The following BICRA variants were observed in gnomAD, a reference collection of about 807,000 sequenced individuals.
BICRA encodes BRD4-interacting chromatin-remodeling complex-associated protein.
In BICRA, 31 loss-of-function variants were observed where a neutral mutation model predicts 96.9. The ratio of observed to expected loss-of-function variants is 0.32; its 90% confidence interval spans 0.24 to 0.43. BICRA has a LOEUF of 0.43. Among genes scored for constraint, BICRA ranks in the 20% least tolerant of loss-of-function variants. The pLI, the probability that BICRA is intolerant of heterozygous loss-of-function variation, is 1.00. For missense variants in BICRA, 2,283 were observed against 2,190.3 expected (o/e 1.04, Z -0.84); for synonymous variants, 1,350 against 1,071.8 (o/e 1.26, Z -5.07).
At chr19:47,670,419 G>C (rs1568565057) in intron 1 of BICRA, 24 bp from the exon 2 acceptor site, 1 of 152,262 alleles carries the variant, frequency 6.6e-6, no homozygotes, top group East Asian at 1.9e-4. Flanking sequence ...CTCACTCACT[G>C]TCTGTCTCTC....
rs752818650 is a variant in BICRA at position 47,699,819 on chromosome 19, C to G, written c.3595+414C>G. The G allele has an allele frequency of 1.1e-5, 2 of 190,200 alleles. No individual in the cohort carries two copies. Among genetic ancestry groups the G allele is most frequent in the Non-Finnish European group, 2.2e-5 (2 of 89,758 alleles). 11.8% of individuals were successfully genotyped at this position (190,200 alleles called of 1,614,324 possible). On this transcript the variant is annotated intron_variant, in intron 14 of 14. Coordinates refer to ENST00000594866, the MANE Select transcript of BICRA (RefSeq NM_001394372.1). The surrounding 1 kb of genome is among the most constrained non-coding windows in gnomAD (Gnocchi z 5.0). ...CCTTAGGTGGCTCGCTGGCCTCACTCTAGTCTCCTGTCTGCAGGAAACGGT... is the reference window on the plus strand; with the variant it reads ...CCTTAGGTGGCTCGCTGGCCTCACTGTAGTCTCCTGTCTGCAGGAAACGGT...
Position 47,699,058 on chromosome 19 carries a change from G to A in BICRA, c.3491G>A (p.Arg1164Gln). The part of the protein sequence containing the change: ...KYRLLLLEES[R>Q]RVSPSAEMVM... ...CGGCTCCTGCTCCTGGAGGAGTCCC[G>A]GGTAGGGTCAGAGTCGCCTTCCTCG... The change falls in exon 13 of 15, where the codon CGG becomes CAG. Residue 1164 changes from arginine (R) to glutamine (Q), a missense_variant and splice_region_variant. Coordinates refer to ENST00000594866, the MANE Select transcript of BICRA (RefSeq NM_001394372.1). This position sits in a 1 kb window ranked among gnomAD's most constrained non-coding sequence, Gnocchi z 5.0. 2 of 1,559,830 alleles carry A rather than the reference G, an allele frequency of 1.3e-6. No individual in the cohort carries two copies. Among genetic ancestry groups the A allele is most frequent in the East Asian group, 2.4e-5 (1 of 41,752 alleles).
chr19:47,633,021 G>A (rs1451583667), intron 1 of BICRA, among the ~76,000 whole-genome samples: 1 of 151,758 alleles, frequency 6.6e-6, no homozygotes, highest in African/African-American at 2.4e-5. Flanking sequence ...AAAGCTTAGC[G>A]GCTCTTATTA....
At chr19:47,638,379 G>A (rs1359211143) in intron 1 of BICRA, among the ~76,000 whole-genome samples, 1 of 152,130 alleles carries the variant, frequency 6.6e-6, no homozygotes, top group Non-Finnish European at 1.5e-5. Flanking sequence ...AAAATTGTGT[G>A]CATTTATTTG....
At position 47,680,616 on chromosome 19, in the gene BICRA, C is replaced by G. The variant is rs1245118794; in HGVS notation, c.1446C>G (p.Leu482=). The change falls in exon 6 of 15, where the codon CTC becomes CTG. Residue 482 remains leucine (L), a synonymous_variant. Coordinates refer to ENST00000594866, the MANE Select transcript of BICRA (RefSeq NM_001394372.1). ...FLLPGAPAVQ[L]PQQLSALPAN... is the part of the protein sequence containing the mutation. ...TGCCTGGCGCCCCGGCGGTCCAGCT[C>G]CCGCAGCAGCTCTCAGCCCTGCCGG... The G allele has an allele frequency of 5.0e-6, 8 of 1,610,264 alleles. No individual in the cohort carries two copies. Among genetic ancestry groups the G allele is most frequent in the Non-Finnish European group, 6.8e-6 (8 of 1,178,836 alleles).
At chr19:47,696,067 G>A (rs1009843583) in intron 10 of BICRA, among the ~76,000 whole-genome samples, 1 of 152,072 alleles carries the variant, frequency 6.6e-6, no homozygotes, top group Admixed American at 6.5e-5. Flanking sequence ...AGGCGGGGGG[G>A]CGAAACGACA....
intron 7 of BICRA, among the ~76,000 whole-genome samples, chr19:47,693,652 C>T (rs1386497534): frequency 1.2e-4 from 19 of 152,146 alleles, no homozygotes; most frequent in Admixed American, 9.8e-4. Context: ...TGGGGGCTGG[C>T]GGCTGGGACG....
At chr19:47,692,691 TG>T (rs1973259504) in intron 7 of BICRA, among the ~76,000 whole-genome samples, 1 of 152,214 alleles carries the variant, frequency 6.6e-6, no homozygotes, top group South Asian at 2.1e-4. Flanking sequence ...GCAAACCTTT[TG>T]AAGACTGATT....
At chr19:47,641,711 ATTTT>A (rs1211138791) in intron 1 of BICRA, among the ~76,000 whole-genome samples, 2 of 152,096 alleles carry the variant, frequency 1.3e-5, no homozygotes, top group Non-Finnish European at 2.9e-5. Flanking sequence ...GAATTTTAGG[ATTTT>A]TTTCTATTCC....
Position 47,696,521 on chromosome 19 carries a change from A to T in BICRA, c.3248+9A>T, listed in dbSNP as rs780967610. 6.3e-7 allele frequency: 1 copy of T among 1,597,350 alleles called. No individual in the cohort carries two copies. The highest frequency in any genetic ancestry group is 8.5e-7 in the Non-Finnish European group (1 of 1,172,156). ...CCCAGCAAGGAAGCCTGGTGAGTCC[A>T]CACCCCATCCTTGCATGCCTGCCCT... On this transcript the variant is annotated intron_variant, in intron 11 of 14. Transcript: ENST00000594866.
chr19:47,661,075 C>T (rs182381040), intron 1 of BICRA, among the ~76,000 whole-genome samples: 6 of 151,904 alleles, frequency 3.9e-5, no homozygotes, highest in South Asian at 2.1e-4. Context: ...ATTAGCTGGG[C>T]GTGGTTGTGG....
At position 47,701,116 on chromosome 19, in the gene BICRA, C is replaced by T. The variant is rs551076388; in HGVS notation, c.3596-212C>T. 3.4e-6 allele frequency: 2 copies of T among 580,364 alleles called. No homozygotes were observed. Among genetic ancestry groups the T allele is most frequent in the Non-Finnish European group, 6.1e-6 (2 of 330,054 alleles). The allele number at this position is 580,364 out of a possible 1,614,324, so 36.0% of individuals were successfully genotyped here. ...ATGTCTGAATGAGCCCCACGTGGCT[C>T]GTGGCGCTGTGCCAGGCACAGTGGT... is the stretch of plus-strand genomic sequence containing the variant. On this transcript the variant is annotated intron_variant, in intron 14 of 14. Transcript: ENST00000594866. The surrounding 1 kb of genome is among the most constrained non-coding windows in gnomAD (Gnocchi z 5.4).
chr19:47,680,944 G>T lies in BICRA; in HGVS notation c.1774G>T (p.Ala592Ser). ...CCAGGGGGTCACCCTGCCCCCCAGC[G>T]CCGTGGCCATGCTCAACACCCCCGA... ...VLQGVTLPPS[A>S]VAMLNTPDGL... The change falls in exon 6 of 15, where the codon GCC (alanine) becomes TCC (serine). Residue 592 changes from alanine to serine, a missense_variant. Transcript: ENST00000594866. The T allele has an allele frequency of 6.8e-7, 1 of 1,479,136 alleles. No individual in the cohort carries two copies. 91.6% of individuals were successfully genotyped at this position (1,479,136 alleles called of 1,614,324 possible).
At chr19:47,637,490 C>G (rs903573794) in intron 1 of BICRA, among the ~76,000 whole-genome samples, 5 of 152,238 alleles carry the variant, frequency 3.3e-5, no homozygotes, top group Admixed American at 6.5e-5. Context: ...TCTCAGCTCA[C>G]TACAACCTCT....
At position 47,699,806 on chromosome 19, in the gene BICRA, C is replaced by T. The variant is rs1453345027; in HGVS notation, c.3595+401C>T. 1.3e-5 allele frequency among the ~76,000 whole-genome samples: 2 copies of T among 152,126 alleles called. No homozygotes were observed. Reference sequence around the variant, plus strand: ...CTTAAGTGTTGCACCTTAGGTGGCTCGCTGGCCTCACTCTAGTCTCCTGTC... The same window carrying T: ...CTTAAGTGTTGCACCTTAGGTGGCTTGCTGGCCTCACTCTAGTCTCCTGTC... On this transcript the variant is annotated intron_variant, in intron 14 of 14. Coordinates refer to ENST00000594866, the MANE Select transcript of BICRA (RefSeq NM_001394372.1). This position sits in a 1 kb window ranked among gnomAD's most constrained non-coding sequence, Gnocchi z 5.0.
intron 5 of BICRA, 115 bp from the exon 6 acceptor site, chr19:47,679,206 G>T: frequency 1.5e-6 from 1 of 666,400 alleles, no homozygotes; most frequent in East Asian, 3.3e-5. Context: ...AGGAGGGAAT[G>T]TTCTTTCTTG....
intron 1 of BICRA, among the ~76,000 whole-genome samples, chr19:47,636,358 C>T (rs1163694020): frequency 6.6e-6 from 1 of 152,138 alleles, no homozygotes; most frequent in Non-Finnish European, 1.5e-5. Flanking sequence ...AGGCATGTGC[C>T]ACCATGCCCA....
Position 47,679,944 on chromosome 19 carries a change from C to T in BICRA, c.774C>T (p.Pro258=), listed in dbSNP as rs1274412015. 5.3e-6 allele frequency: 8 copies of T among 1,506,246 alleles called. No homozygotes were observed. The highest frequency in any genetic ancestry group is 1.9e-4 in the Middle Eastern group (1 of 5,162). The allele number at this position is 1,506,246 out of a possible 1,614,324, so 93.3% of individuals were successfully genotyped here. The change falls in exon 6 of 15, where the codon CCC becomes CCT. Residue 258 remains proline (P), a synonymous_variant. Transcript: ENST00000594866. ...PTSQLLAKQV[P]VSGYLASAAG... ...CCCAGCTCCTGGCCAAGCAGGTGCCCGTCAGCGGCTACCTGGCCTCGGCGG... is the reference window on the plus strand; with the variant it reads ...CCCAGCTCCTGGCCAAGCAGGTGCCTGTCAGCGGCTACCTGGCCTCGGCGG...
chr19:47,612,979 C>T (rs906641712), intron 1 of BICRA, among the ~76,000 whole-genome samples: 1 of 152,140 alleles, frequency 6.6e-6, no homozygotes, highest in African/African-American at 2.4e-5. Context: ...AGGAGAGGGG[C>T]TGTGGGGACA....
Sources: gnomAD v4.1 joint callset for allele counts (sites outside exome capture counted in the v4.1 genomes callset) on GRCh38, gnomAD v4.1.1 for gene constraint, Gnocchi (gnomAD v3.1) non-coding constraint, MANE v1.5 for transcripts, NCBI Gene and HGNC (gene_info 2026-07-23, HGNC 2026-07-21) for gene names.